SORCS2: variants seen among roughly 807,000 people sequenced by gnomAD.
The protein encoded by SORCS2 is sortilin related VPS10 domain containing receptor 2.
SORCS2 carries 100 observed loss-of-function variants against 141.6 expected under a neutral mutation model. The ratio of observed to expected loss-of-function variants is 0.71; its 90% CI spans 0.60 to 0.83. The LOEUF is 0.83. SORCS2 is among the 40% of genes least tolerant of loss of function. SORCS2 has a pLI of 0.00. For missense variants in SORCS2, 1,646 were observed against 1,560.2 expected, an observed-to-expected ratio of 1.05 and a Z score of -0.93; for synonymous variants, 789 against 676.9, an observed-to-expected ratio of 1.17 and a Z score of -2.57.
intron 4 of SORCS2, among the ~76,000 whole-genome samples, chr4:7,647,733 AC>A (rs1721171756): frequency 6.6e-6 from 1 of 152,184 alleles, no homozygotes; most frequent in Non-Finnish European, 1.5e-5. Flanking sequence ...TACGTTTCAC[AC>A]CTGCAGTCTC....
intron 11 of SORCS2, among the ~76,000 whole-genome samples, chr4:7,693,708 C>T (rs1187760148): frequency 6.6e-6 from 1 of 152,256 alleles, no homozygotes; most frequent in Non-Finnish European, 1.5e-5. Context: ...CTGGGAGCAC[C>T]ACAGCCTGCC....
chr4:7,370,366 G>A (rs528589344), intron 1 of SORCS2, among the ~76,000 whole-genome samples: 8 of 152,158 alleles, frequency 5.3e-5, no homozygotes, highest in Admixed American at 1.3e-4. Context: ...TGCTCTGAGC[G>A]TGCGGCTCGG....
chr4:7,556,164 T>G (rs1157719968), intron 3 of SORCS2, among the ~76,000 whole-genome samples: 1 of 151,956 alleles, frequency 6.6e-6, no homozygotes, highest in Admixed American at 6.6e-5. Context: ...ACCATCCAGG[T>G]GAGGGGTGAT....
intron 2 of SORCS2, among the ~76,000 whole-genome samples, chr4:7,505,073 G>A (rs71601852): frequency 0.027 from 4,142 of 152,348 alleles, 136 homozygotes; most frequent in African/African-American, 0.075. Context: ...GGGATGGGGA[G>A]CAGGACTGTG....
chr4:7,444,177 CCTA>C (rs1427164360), intron 2 of SORCS2, among the ~76,000 whole-genome samples: 3 of 152,346 alleles, frequency 2.0e-5, no homozygotes, highest in African/African-American at 7.2e-5. Flanking sequence ...TTACTAAGAG[CCTA>C]CTATGTGCTG....
chr4:7,549,155 G>A (rs559489773), intron 3 of SORCS2, among the ~76,000 whole-genome samples: 71 of 152,260 alleles, frequency 4.7e-4, no homozygotes, highest in African/African-American at 7.9e-4. Context: ...ATCCACAGAG[G>A]AGCCCAGCAA....
At chr4:7,433,192 C>T in intron 2 of SORCS2, 1 of 1,063,222 alleles carries the variant, frequency 9.4e-7, no homozygotes, top group Non-Finnish European at 1.2e-6. Context: ...TTTTGAACTT[C>T]AGCTCTGCTC....
At chr4:7,490,892 C>A (rs73212575) in intron 2 of SORCS2, among the ~76,000 whole-genome samples, 9,707 of 152,166 alleles carry the variant, frequency 0.064, 331 homozygotes, top group East Asian at 0.094. Context: ...CATGCCTTAG[C>A]CTCCAGACCA....
intron 11 of SORCS2, among the ~76,000 whole-genome samples, chr4:7,693,186 T>G (rs1462063241): frequency 5.7e-5 from 1 of 17,670 alleles, no homozygotes; most frequent in South Asian, 2.4e-3. Context: ...CACCCTTTCT[T>G]CCTCATCTTC....
intron 8 of SORCS2, among the ~76,000 whole-genome samples, chr4:7,670,142 A>G (rs1023165749): frequency 7.9e-5 from 12 of 152,214 alleles, no homozygotes; most frequent in Admixed American, 6.5e-5. Flanking sequence ...GTCACAAACA[A>G]AGTTGGAATA....
chr4:7,424,192 G>C (rs1463992118), intron 2 of SORCS2, among the ~76,000 whole-genome samples: 1 of 152,150 alleles, frequency 6.6e-6, no homozygotes, highest in Non-Finnish European at 1.5e-5. Context: ...CCCAGCGAGG[G>C]GACTCTGCTG....
At chr4:7,714,673 C>T (rs1726069489) in intron 16 of SORCS2, among the ~76,000 whole-genome samples, 1 of 152,210 alleles carries the variant, frequency 6.6e-6, no homozygotes, top group African/African-American at 2.4e-5. Flanking sequence ...GGACGTGCTG[C>T]ACCCACCCCA....
intron 3 of SORCS2, among the ~76,000 whole-genome samples, chr4:7,543,700 C>T (rs1577723782): frequency 1.3e-5 from 1 of 75,418 alleles, no homozygotes; most frequent in Non-Finnish European, 3.2e-5. Context: ...ATCCACCCAT[C>T]CATCCATCCA....
intron 2 of SORCS2, chr4:7,431,700 C>T (rs532203596): frequency 6.6e-6 from 1 of 152,370 alleles, no homozygotes; most frequent in Non-Finnish European, 1.5e-5. Context: ...CTGGCCTTAT[C>T]TTTTGTGGGA....
At chr4:7,204,388 G>T (rs1727625923) in intron 1 of SORCS2, among the ~76,000 whole-genome samples, 1 of 152,002 alleles carries the variant, frequency 6.6e-6, no homozygotes, top group Non-Finnish European at 1.5e-5. Context: ...GCTAATTTTT[G>T]TATTTTTTAG....
intron 1 of SORCS2, among the ~76,000 whole-genome samples, chr4:7,299,234 A>C (rs548967513): frequency 8.4e-4 from 128 of 152,350 alleles, no homozygotes; most frequent in African/African-American, 2.5e-3. Context: ...GTGGGGGCCG[A>C]GGCTGTGAGC....
chr4:7,490,471 C>T (rs562533494), intron 2 of SORCS2, among the ~76,000 whole-genome samples: 2 of 152,226 alleles, frequency 1.3e-5, no homozygotes, highest in South Asian at 2.1e-4. Flanking sequence ...TCTTTTAGAG[C>T]CTTTGTCCTA....
chr4:7,694,161 A>G (rs753057408), intron 11 of SORCS2, among the ~76,000 whole-genome samples: 2 of 152,184 alleles, frequency 1.3e-5, no homozygotes, highest in African/African-American at 2.4e-5. Context: ...GAGAGGAAGC[A>G]TGTCTTCATT....
At chr4:7,378,606 G>C (rs928987789) in intron 1 of SORCS2, among the ~76,000 whole-genome samples, 9 of 152,156 alleles carry the variant, frequency 5.9e-5, no homozygotes, top group African/African-American at 2.2e-4. Context: ...ATCTCCACCT[G>C]GTCCCGCCCT....
Sources: allele counts gnomAD v4.1 joint callset (sites outside exome capture counted in the v4.1 genomes callset), GRCh38; gene constraint gnomAD v4.1.1; transcripts MANE v1.5; gene names NCBI Gene and HGNC (gene_info 2026-07-23, HGNC 2026-07-21).